ITGA2: variants seen among roughly 807,000 people sequenced by gnomAD.
ITGA2 encodes integrin subunit alpha 2, also known as integrin alpha-2.
Under a neutral mutation model 146.3 loss-of-function variants are expected in ITGA2, and 101 were observed. The observed-to-expected ratio is 0.69, with a 90% CI of 0.59 to 0.81. ITGA2 has a LOEUF of 0.81. Ranked by LOEUF, ITGA2 falls within the 40% of genes least tolerant of loss-of-function variation. The probability of loss-of-function intolerance (pLI) is 0.00; values close to 1 mark genes in which losing one functional copy is unlikely to be tolerated. For missense variants in ITGA2, 1,281 were observed against 1,402.7 expected (o/e 0.91, Z 1.39); for synonymous variants, 477 against 487.1 (o/e 0.98, Z 0.27).
intron 26 of ITGA2, 48 bp downstream of exon 26, chr5:53,081,744 C>T (rs931143656): frequency 6.2e-6 from 8 of 1,293,398 alleles, no homozygotes; most frequent in Non-Finnish European, 8.9e-6. Flanking sequence ...ATTTATTTCA[C>T]CTGTGATCAG....
At chr5:53,064,621 C>G (rs924249915) in intron 13 of ITGA2, among the ~76,000 whole-genome samples, 17 of 151,938 alleles carry the variant, frequency 1.1e-4, no homozygotes, top group African/African-American at 4.1e-4. Flanking sequence ...TAGCTCACTG[C>G]AGCCTCTAAT....
intron 26 of ITGA2, 113 bp from the exon 27 acceptor site, chr5:53,083,227 G>T: frequency 1.4e-6 from 1 of 712,160 alleles, no homozygotes; most frequent in Non-Finnish European, 2.5e-6. Context: ...GAGATTGCCT[G>T]TTTCCCTAGG....
At chr5:53,081,781 T>C in intron 26 of ITGA2, 85 bp downstream of exon 26, 1 of 883,290 alleles carries the variant, frequency 1.1e-6, no homozygotes, top group Non-Finnish European at 1.8e-6. Flanking sequence ...TACCAGCTGA[T>C]ATCATAGAGC....
chr5:53,049,571 G>T (rs570721508), intron 6 of ITGA2, among the ~76,000 whole-genome samples: 1 of 152,114 alleles, frequency 6.6e-6, no homozygotes, highest in South Asian at 2.1e-4. Flanking sequence ...CTACAGAAAA[G>T]GTCTTTTCAA....
chr5:52,999,452 G>A (rs185035844), intron 1 of ITGA2, among the ~76,000 whole-genome samples: 3 of 151,848 alleles, frequency 2.0e-5, no homozygotes, highest in Non-Finnish European at 4.4e-5. Flanking sequence ...ACTATTTCAC[G>A]GATGCTGCCA....
chr5:52,998,446 C>T lies in ITGA2; in HGVS notation c.64+8914C>T, dbSNP rs114494940. ...CTTCAGCCTAGGTGACAGAGCCAGA[C>T]GCTGTCTCAAAAAAGAAACCCAAAA... On this transcript the variant is annotated intron_variant, in intron 1 of 29. Transcript: ENST00000296585. 5.1e-3 allele frequency among the ~76,000 whole-genome samples: 779 copies of T among 152,212 alleles called. 7 individuals carry two copies. Among genetic ancestry groups the T allele is most frequent in the African/African-American group, 0.018 (738 of 41,532 alleles).
chr5:52,993,160 T>G (rs557053011), intron 1 of ITGA2, among the ~76,000 whole-genome samples: 325 of 152,310 alleles, frequency 2.1e-3, no homozygotes, highest in South Asian at 5.0e-3. Context: ...AAAGGAAAGC[T>G]TGAGGTAACC....
At chr5:53,057,711 AC>A (rs1744707342) in intron 9 of ITGA2, among the ~76,000 whole-genome samples, 1 of 151,832 alleles carries the variant, frequency 6.6e-6, no homozygotes. Context: ...CTTACCTTAT[AC>A]CCTTTGTTGA....
At chr5:53,088,223 T>C (rs1447501433) in intron 28 of ITGA2, among the ~76,000 whole-genome samples, 1 of 152,214 alleles carries the variant, frequency 6.6e-6, no homozygotes, top group African/African-American at 2.4e-5. Context: ...TGTGAAACTC[T>C]ACTGAAGACT....
rs530003964 is a variant in ITGA2, at chr5:53,056,504, G to A, written c.1096+355G>A. ...GAAGCAAAGAAGCTCATACACTGTT[G>A]ATAGGATGATAAATTGTTATGACTT... On this transcript the variant is annotated intron_variant, in intron 9 of 29. Transcript: ENST00000296585. Among the ~76,000 whole-genome samples, 5 of 152,058 alleles carry A rather than the reference G, an allele frequency of 3.3e-5. No individual in the cohort carries two copies. The East Asian group carries it at 9.7e-4, about 29-fold the overall frequency.
intron 1 of ITGA2, among the ~76,000 whole-genome samples, chr5:53,020,848 A>ATT (rs532121575): frequency 2.2e-4 from 29 of 133,400 alleles, no homozygotes; most frequent in African/African-American, 7.1e-4. Context: ...TGTCCGGCTA[A>ATT]TTTTTTTTTT....
chr5:53,072,764 C>A lies in ITGA2; in HGVS notation c.2429+69C>A, dbSNP rs3212586. On this transcript the variant is annotated intron_variant, in intron 19 of 29. Coordinates refer to ENST00000296585, the MANE Select transcript of ITGA2 (RefSeq NM_002203.4). ...GACATACTAGATTACTTTATTCAAA[C>A]GAATGTTTATAGAGTTTTTCTACAA... 1.0e-5 allele frequency: 13 copies of A among 1,268,918 alleles called. No individual in the cohort carries two copies. The Admixed American group carries it at 2.3e-4, about 22-fold the overall frequency. The allele number at this position is 1,268,918 out of a possible 1,614,324, so 78.6% of individuals were successfully genotyped here. A position where few individuals can be genotyped will look rare whatever the true frequency, so the allele number is the denominator to read the frequency against.
intron 1 of ITGA2, among the ~76,000 whole-genome samples, chr5:53,023,837 A>G (rs923347279): frequency 1.3e-5 from 2 of 152,250 alleles, no homozygotes; most frequent in African/African-American, 4.8e-5. Flanking sequence ...CTATTTAGAT[A>G]TCATATGCCA....
chr5:53,031,268 C>A (rs563394912), intron 2 of ITGA2, among the ~76,000 whole-genome samples: 1 of 152,286 alleles, frequency 6.6e-6, no homozygotes, highest in Non-Finnish European at 1.5e-5. Flanking sequence ...TAGCAAATTG[C>A]GAGTTCTTTT....
intron 1 of ITGA2, among the ~76,000 whole-genome samples, chr5:53,010,057 G>A (rs932432583): frequency 6.6e-6 from 1 of 152,140 alleles, no homozygotes; most frequent in Non-Finnish European, 1.5e-5. Context: ...ACATCCTTTT[G>A]TGGAAAAGAT....
chr5:53,051,117 T>G (rs1363070132), intron 6 of ITGA2, among the ~76,000 whole-genome samples: 1 of 152,204 alleles, frequency 6.6e-6, no homozygotes, highest in African/African-American at 2.4e-5. Context: ...TCATCCATAT[T>G]AAAATATTAT....
At chr5:53,066,356 G>A (rs1745147288) in intron 15 of ITGA2, among the ~76,000 whole-genome samples, 1 of 151,828 alleles carries the variant, frequency 6.6e-6, no homozygotes, top group Non-Finnish European at 1.5e-5. Flanking sequence ...CAAGTAAAGT[G>A]TAACTTCTAT....
At position 53,067,969 on chromosome 5, in the gene ITGA2, A is replaced by C. The variant is rs537965086; in HGVS notation, c.2083+712A>C. 3.2e-4 allele frequency among the ~76,000 whole-genome samples: 49 copies of C among 151,976 alleles called. 1 individual carries two copies. The highest frequency in any genetic ancestry group is 1.1e-3 in the African/African-American group (47 of 41,516). On this transcript the variant is annotated intron_variant, in intron 16 of 29. Coordinates refer to ENST00000296585, the MANE Select transcript of ITGA2 (RefSeq NM_002203.4). ...TCTCTTCTGCCCCAATTATCTCACC[A>C]TGCTCAATGCATAGCTTGCAATTTA...
At chr5:53,076,483 A>G (rs1204306319) in intron 23 of ITGA2, among the ~76,000 whole-genome samples, 1 of 152,028 alleles carries the variant, frequency 6.6e-6, no homozygotes, top group East Asian at 1.9e-4. Context: ...TCCAAATAAT[A>G]CATCTCTGAA....
Sources: gnomAD v4.1 joint callset for allele counts (sites outside exome capture counted in the v4.1 genomes callset) on GRCh38, gnomAD v4.1.1 for gene constraint, MANE v1.5 for transcripts, NCBI Gene and HGNC (gene_info 2026-07-23, HGNC 2026-07-21) for gene names.